The following CCDC27 variants were observed in gnomAD, a reference collection of about 807,000 sequenced individuals.
The protein encoded by CCDC27 is coiled-coil domain-containing protein 27.
In CCDC27, 80 loss-of-function variants were observed where a neutral mutation model predicts 80.3. That is an observed-to-expected ratio of 1.00 (90% CI 0.83 to 1.20). The LOEUF is 1.20. CCDC27 is among the 50% of genes most tolerant of loss of function. The pLI is 0.00. For missense variants in CCDC27, 815 were observed against 809.4 expected (o/e 1.01, Z -0.08); for synonymous variants, 342 against 334.3 (o/e 1.02, Z -0.25).
intron 4 of CCDC27, among the ~76,000 whole-genome samples, chr1:3,758,778 G>T (rs904436253): frequency 6.6e-6 from 1 of 151,798 alleles, no homozygotes; most frequent in African/African-American, 2.4e-5. Context: ...TCGTTTTTTT[G>T]TGGAGACGAG....
chr1:3,762,875 C>A, intron 6 of CCDC27, 163 bp downstream of exon 6: 2 of 799,428 alleles, frequency 2.5e-6, no homozygotes, highest in Non-Finnish European at 1.9e-6. Context: ...CGTTAGCCCC[C>A]TTGAAGGCAC....
rs1161744673 is a variant in CCDC27, at chr1:3,761,842, C to T, written c.861+412C>T. ...TGAAATCCTGGGGCATGGAGGCCAC[C>T]CTGCAGGCGGATTCCCCGGGCCTGG... On this transcript the variant is annotated intron_variant, in intron 5 of 11. Coordinates refer to ENST00000294600, the MANE Select transcript of CCDC27 (RefSeq NM_152492.3). This position sits in a 1 kb window ranked among gnomAD's most constrained non-coding sequence, Gnocchi z 5.0. 6.6e-6 allele frequency among the ~76,000 whole-genome samples: 1 copy of T among 152,152 alleles called. No individual in the cohort carries two copies. The highest frequency in any genetic ancestry group is 2.4e-5 in the African/African-American group (1 of 41,442).
rs768207551 is a variant in CCDC27, at chr1:3,752,783, G to A, written c.302G>A (p.Arg101His). ...AGCAAGTCGGTCCAGACCATCAGCC[G>A]CTACTACAGGAAGACGGTATGGGGT... Reference protein sequence around the residue: ...TLSKSVQTISRYYRKTSEPKD... With the variant: ...TLSKSVQTISHYYRKTSEPKD... The change falls in exon 1 of 12, where the codon CGC becomes CAC. Residue 101 changes from arginine (R) to histidine (H), a missense_variant. By Grantham distance (29) the Arg-to-His change is conservative. Transcript: ENST00000294600. 73 of 1,612,218 alleles carry A rather than the reference G, an allele frequency of 4.5e-5. No homozygotes were observed. The highest frequency in any genetic ancestry group is 5.6e-5 in the Non-Finnish European group (66 of 1,179,052).
Position 3,756,734 on chromosome 1 carries a change from G to A in CCDC27, c.555G>A (p.Gly185=). 2 of 1,613,922 alleles carry A rather than the reference G, an allele frequency of 1.2e-6. No homozygotes were observed. The highest frequency in any genetic ancestry group is 1.7e-6 in the Non-Finnish European group (2 of 1,179,950). ...ACTTGGCCTCCGCTGTCGCCACAGG[G>A]TACCTCCTTCCCTTCAGTAAGAGCA... The part of the protein sequence containing the change: ...ARRGSDTNVD[G]YLLPFSKSIC... The change falls in exon 4 of 12, where the codon GGG becomes GGA. Residue 185 remains glycine, a splice_region_variant and synonymous_variant. Transcript: ENST00000294600.
In CCDC27 at chr1:3,761,170, T is replaced by G; in HGVS notation, c.712-111T>G. 7.7e-7 allele frequency: 1 copy of G among 1,307,182 alleles called. No homozygotes were observed. The highest frequency in any genetic ancestry group is 1.1e-6 in the Non-Finnish European group (1 of 941,504). 81.0% of individuals were successfully genotyped at this position (1,307,182 alleles called of 1,614,324 possible). A position where few individuals can be genotyped will look rare whatever the true frequency, so the allele number is the denominator to read the frequency against. On this transcript the variant is annotated intron_variant, in intron 4 of 11. Coordinates refer to ENST00000294600, the MANE Select transcript of CCDC27 (RefSeq NM_152492.3). The surrounding 1 kb of genome is among the most constrained non-coding windows in gnomAD (Gnocchi z 5.0). ...CTTGAAATCCCTGGGACCCTGGGGT[T>G]TTGGGGTACCACGACAGCAGATCTG...
rs1171709347 is a variant in CCDC27 at position 3,767,287 on chromosome 1, T to G, written c.1585T>G (p.Leu529Val). The change falls in exon 10 of 12, where the codon TTG becomes GTG. Residue 529 changes from leucine (L) to valine (V), a missense_variant. By Grantham distance (32) the Leu-to-Val change is conservative. Transcript: ENST00000294600. ...CAAGCGGGACTGTGTCATCTCAGAG[T>G]TGGACACCAAGGTCAGCCAGCTGCA... ...LTKRDCVISE[L>V]DTKVSQLQEQ... The G allele has an allele frequency of 1.2e-6, 2 of 1,613,790 alleles. No individual in the cohort carries two copies. The highest frequency in any genetic ancestry group is 2.2e-5 in the East Asian group (1 of 44,882).
In CCDC27 at chr1:3,760,396, CCTTTT is replaced by C. The variant is rs1643058251; in HGVS notation, c.712-881_712-877del. On this transcript the variant is annotated intron_variant, in intron 4 of 11. Coordinates refer to ENST00000294600, the MANE Select transcript of CCDC27 (RefSeq NM_152492.3). This position sits in a 1 kb window ranked among gnomAD's most constrained non-coding sequence, Gnocchi z 4.3. ...ATAAATTTTCACACCTATCTTTATT[CCTTTT>C]CTTCTACTTTCTGCGGGATTAATTT... Among the ~76,000 whole-genome samples the C allele has an allele frequency of 6.6e-6, 1 of 152,118 alleles. No homozygotes were observed. The highest frequency in any genetic ancestry group is 1.5e-5 in the Non-Finnish European group (1 of 68,018).
rs1643321704 is a variant in CCDC27, at chr1:3,769,966, C to T, written c.1848+79C>T. 3 of 1,029,054 alleles carry T rather than the reference C, an allele frequency of 2.9e-6. No homozygotes were observed. In the South Asian group the frequency reaches 3.8e-5, roughly 13 times the overall value. The allele number at this position is 1,029,054 out of a possible 1,614,324, so 63.7% of individuals were successfully genotyped here. A position where few individuals can be genotyped will look rare whatever the true frequency, so the allele number is the denominator to read the frequency against. On this transcript the variant is annotated intron_variant, in intron 11 of 11. Transcript: ENST00000294600. This position sits in a 1 kb window ranked among gnomAD's most constrained non-coding sequence, Gnocchi z 4.6. ...GCTGTGGTAGGGGGTTGTGGGGGGC[C>T]TAGATTCCAGGGACTCTGTTCTCAT... is the stretch of plus-strand genomic sequence containing the variant.
intron 3 of CCDC27, chr1:3,755,872 A>AC (rs1227786319): frequency 1.9e-5 from 6 of 320,876 alleles, no homozygotes; most frequent in South Asian, 1.4e-4. Flanking sequence ...GTGGGTAGAG[A>AC]CCCCCCGGGA....
chr1:3,771,612 A>C lies in CCDC27; in HGVS notation c.*89A>C, dbSNP rs374514173. The C allele has an allele frequency of 1.4e-6, 2 of 1,449,766 alleles. No homozygotes were observed. The highest frequency in any genetic ancestry group is 2.3e-5 in the East Asian group (1 of 43,758). 89.8% of individuals were successfully genotyped at this position (1,449,766 alleles called of 1,614,324 possible). A position where few individuals can be genotyped will look rare whatever the true frequency, so the allele number is the denominator to read the frequency against. On this transcript the variant is annotated 3_prime_UTR_variant, in exon 12 of 12. Transcript: ENST00000294600. ...CGCCCCCACCATGCGTCCTGCTCTCAGACTCAGAATTAAACCCCGGTGTTG... is the reference window on the plus strand; with the variant it reads ...CGCCCCCACCATGCGTCCTGCTCTCCGACTCAGAATTAAACCCCGGTGTTG...
intron 5 of CCDC27, among the ~76,000 whole-genome samples, chr1:3,762,340 C>T (rs1181880): frequency 0.093 from 14,192 of 152,150 alleles, 772 homozygotes; most frequent in Middle Eastern, 0.2. Flanking sequence ...GCACAGTGGG[C>T]GTGTGTAAGG....
Position 3,761,535 on chromosome 1 carries a change from C to T in CCDC27, c.861+105C>T. Reference sequence around the variant, plus strand: ...AGGCCCCTGGCAAACCCCCAGGCCCCCTGGATCCTATCAGGTCCTCACTGG... The same window carrying T: ...AGGCCCCTGGCAAACCCCCAGGCCCTCTGGATCCTATCAGGTCCTCACTGG... On this transcript the variant is annotated intron_variant, in intron 5 of 11. Transcript: ENST00000294600. This position sits in a 1 kb window ranked among gnomAD's most constrained non-coding sequence, Gnocchi z 5.0. 7.4e-7 allele frequency: 1 copy of T among 1,359,174 alleles called. No individual in the cohort carries two copies. The highest frequency in any genetic ancestry group is 2.4e-5 in the East Asian group (1 of 41,232). 84.2% of individuals were successfully genotyped at this position (1,359,174 alleles called of 1,614,324 possible). A position where few individuals can be genotyped will look rare whatever the true frequency, so the allele number is the denominator to read the frequency against.
intron 1 of CCDC27, among the ~76,000 whole-genome samples, chr1:3,753,419 G>A (rs1286940513): frequency 6.6e-6 from 1 of 150,652 alleles, no homozygotes; most frequent in African/African-American, 2.5e-5. Context: ...CACCTCCTGG[G>A]TTCAAGTGAT....
chr1:3,756,158 G>C (rs1642947071), intron 3 of CCDC27: 1 of 154,758 alleles, frequency 6.5e-6, no homozygotes, highest in Non-Finnish European at 1.4e-5. Flanking sequence ...TGGCCAAGAT[G>C]GTGAAACCCC....
intron 1 of CCDC27, among the ~76,000 whole-genome samples, chr1:3,753,102 G>A (rs1642864244): frequency 6.6e-6 from 1 of 152,106 alleles, no homozygotes; most frequent in African/African-American, 2.4e-5. Flanking sequence ...TCTCTGGTTG[G>A]CCAAGGGGAG....
Position 3,763,266 on chromosome 1 carries a change from GGAGGAGGAA to G in CCDC27, c.1124_1132del (p.Glu375_Glu377del), listed in dbSNP as rs749567770. ...GATCCGTGCATGAGGAGGGAAGCGA[GGAGGAGGAA>G]GAGGAGGAAGGGGACAGGGATGAGG... On this transcript the variant is annotated inframe_deletion, in exon 7 of 12. Coordinates refer to ENST00000294600, the MANE Select transcript of CCDC27 (RefSeq NM_152492.3). The surrounding 1 kb of genome is among the most constrained non-coding windows in gnomAD (Gnocchi z 7.5). 14 of 1,583,580 alleles carry G rather than the reference GGAGGAGGAA, an allele frequency of 8.8e-6. No individual in the cohort carries two copies. The South Asian group carries it at 1.6e-4, about 18-fold the overall frequency.
chr1:3,767,308 C>T lies in CCDC27; in HGVS notation c.1606C>T (p.Leu536=). The change falls in exon 10 of 12, where the codon CTG becomes TTG. Residue 536 remains leucine, a synonymous_variant. Transcript: ENST00000294600. ...AGAGTTGGACACCAAGGTCAGCCAG[C>T]TGCAGGAGCAGGTGGAACTGGACCA... ...ISELDTKVSQ[L]QEQVELDQNH... is the part of the protein sequence containing the mutation. 1 of 1,614,066 alleles carries T rather than the reference C, an allele frequency of 6.2e-7. No individual in the cohort carries two copies. Among genetic ancestry groups the T allele is most frequent in the Non-Finnish European group, 8.5e-7 (1 of 1,180,026 alleles).
intron 4 of CCDC27, among the ~76,000 whole-genome samples, chr1:3,758,223 C>T (rs1395963815): frequency 6.6e-6 from 1 of 152,136 alleles, no homozygotes; most frequent in Non-Finnish European, 1.5e-5. Flanking sequence ...CAGAGTCTCT[C>T]TCTGTTGCCA....
At chr1:3,752,935 C>A in intron 1 of CCDC27, 136 bp downstream of exon 1, 1 of 1,035,952 alleles carries the variant, frequency 9.7e-7, no homozygotes, top group Non-Finnish European at 1.4e-6. Context: ...AGGGGGATTC[C>A]AGGCAGGCAA....
Sources: allele counts gnomAD v4.1 joint callset (sites outside exome capture counted in the v4.1 genomes callset), GRCh38; gene constraint gnomAD v4.1.1; non-coding constraint Gnocchi (gnomAD v3.1); transcripts MANE v1.5; gene names NCBI Gene and HGNC (gene_info 2026-07-23, HGNC 2026-07-21).